The following CNOT2 variants were observed in gnomAD, a reference collection of about 807,000 sequenced individuals.
The protein encoded by CNOT2 is CCR4-NOT transcription complex subunit 2.
A neutral mutation model predicts 72.1 loss-of-function variants in CNOT2; 7 were observed. That is an observed-to-expected ratio of 0.10 (90% CI 0.06 to 0.18). The LOEUF (loss-of-function observed/expected upper bound fraction) is 0.18, where lower values mean the gene tolerates loss of function less well. Among genes scored for constraint, CNOT2 ranks in the 10% least tolerant of loss-of-function variants. The pLI, the probability that CNOT2 is intolerant of heterozygous loss-of-function variation, is 1.00. For missense variants in CNOT2, 345 were observed against 660.3 expected (o/e 0.52, Z 5.23); for synonymous variants, 196 against 225.6 (o/e 0.87, Z 1.17).
intron 3 of CNOT2, among the ~76,000 whole-genome samples, chr12:70,311,944 CT>C (rs1226639629): frequency 6.6e-6 from 1 of 151,920 alleles, no homozygotes; most frequent in Non-Finnish European, 1.5e-5. Context: ...CTTCCTTTGA[CT>C]TTGCAGAATT....
At chr12:70,308,357 G>C (rs1352208075) in intron 2 of CNOT2, among the ~76,000 whole-genome samples, 1 of 151,992 alleles carries the variant, frequency 6.6e-6, no homozygotes, top group African/African-American at 2.4e-5. Flanking sequence ...CCCATCTCTG[G>C]ATGGGGGTTT....
intron 11 of CNOT2, among the ~76,000 whole-genome samples, chr12:70,339,723 C>G (rs1881238453): frequency 6.6e-6 from 1 of 152,154 alleles, no homozygotes; most frequent in Non-Finnish European, 1.5e-5. Flanking sequence ...AACTATCGTA[C>G]ACTTCTGCAT....
At position 70,272,362 on chromosome 12, in the gene CNOT2, C is replaced by T. The variant is rs116862864; in HGVS notation, c.-95-5770C>T. Among the ~76,000 whole-genome samples, 259 of 152,174 alleles carry T rather than the reference C, an allele frequency of 1.7e-3. 1 individual carries two copies. The highest frequency in any genetic ancestry group is 8.7e-3 in the East Asian group (45 of 5,168). On this transcript the variant is annotated intron_variant, in intron 1 of 15. Coordinates refer to ENST00000229195, the MANE Select transcript of CNOT2 (RefSeq NM_014515.7). ...TTCTGAAAAGAGATAGTCAAGCAGA[C>T]ATGTTAACGTCAAGAAGCAGTTTGG...
At chr12:70,297,760 C>T (rs953616030) in intron 2 of CNOT2, 12 of 372,258 alleles carry the variant, frequency 3.2e-5, no homozygotes, top group Admixed American at 1.4e-4. Context: ...ATTTTTGAGA[C>T]GTGGTCTCAC....
At chr12:70,302,127 AG>A (rs1298051643) in intron 2 of CNOT2, among the ~76,000 whole-genome samples, 1 of 152,086 alleles carries the variant, frequency 6.6e-6, no homozygotes, top group Non-Finnish European at 1.5e-5. Flanking sequence ...TAATCTTGCT[AG>A]CGGTCTATCA....
At chr12:70,283,637 A>G (rs1453060951) in intron 2 of CNOT2, among the ~76,000 whole-genome samples, 1 of 144,714 alleles carries the variant, frequency 6.9e-6, no homozygotes, top group Non-Finnish European at 1.5e-5. Context: ...ACCTAATGAA[A>G]GAATGAGTTT....
rs1258388639 is a variant in CNOT2, at chr12:70,288,848, CTTCTGTTACATT to C, written c.48+10579_48+10590del. ...CTAAGGGAAACATTTTCTGCTTAGA[CTTCTGTTACATT>C]TTCTCATTGTTCATGGTAATTTTAG... On this transcript the variant is annotated intron_variant, in intron 2 of 15. Transcript: ENST00000229195. Among the ~76,000 whole-genome samples, 3 of 152,122 alleles carry C rather than the reference CTTCTGTTACATT, an allele frequency of 2.0e-5. No individual in the cohort carries two copies. The East Asian group carries it at 5.8e-4, about 29-fold the overall frequency.
chr12:70,343,231 T>C (rs1881735971), intron 13 of CNOT2, among the ~76,000 whole-genome samples: 1 of 152,194 alleles, frequency 6.6e-6, no homozygotes, highest in Admixed American at 6.5e-5. Context: ...ATTTGTCACA[T>C]TGGGGCTGCT....
chr12:70,312,076 CATT>C (rs1267663582), intron 3 of CNOT2, among the ~76,000 whole-genome samples: 1 of 151,776 alleles, frequency 6.6e-6, no homozygotes, highest in African/African-American at 2.4e-5. Context: ...CTATCAATGG[CATT>C]ATTGGGCTTT....
At chr12:70,344,309 A>G in intron 14 of CNOT2, 81 bp downstream of exon 14, 2 of 805,830 alleles carry the variant, frequency 2.5e-6, no homozygotes, top group Non-Finnish European at 2.1e-6. Context: ...GATGATGGCT[A>G]TCTTTAAATG....
intron 3 of CNOT2, among the ~76,000 whole-genome samples, chr12:70,316,837 G>GTAGA (rs2135975823): frequency 6.6e-6 from 1 of 152,212 alleles, no homozygotes; most frequent in South Asian, 2.1e-4. Flanking sequence ...GAGAGGGCAG[G>GTAGA]TAGATACCCA....
intron 2 of CNOT2, among the ~76,000 whole-genome samples, chr12:70,302,934 T>G (rs1288273564): frequency 3.3e-5 from 5 of 152,012 alleles, no homozygotes; most frequent in Non-Finnish European, 7.4e-5. Flanking sequence ...GGATAGTTAG[T>G]TCTTCTTGTT....
intron 2 of CNOT2, among the ~76,000 whole-genome samples, chr12:70,304,935 C>G (rs956540813): frequency 2.8e-4 from 42 of 152,214 alleles, no homozygotes; most frequent in Admixed American, 2.7e-3. Flanking sequence ...GCTGTGCTAG[C>G]AATGAGCCGG....
intron 3 of CNOT2, among the ~76,000 whole-genome samples, chr12:70,313,280 G>A (rs1876783278): frequency 6.6e-6 from 1 of 151,726 alleles, no homozygotes; most frequent in African/African-American, 2.4e-5. Context: ...TCCATGTATT[G>A]AGGATAACAA....
At chr12:70,300,121 C>T (rs1456108614) in intron 2 of CNOT2, among the ~76,000 whole-genome samples, 2 of 152,074 alleles carry the variant, frequency 1.3e-5, no homozygotes, top group Non-Finnish European at 1.5e-5. Context: ...TGGATATTAG[C>T]CCTTTGTCAG....
intron 2 of CNOT2, chr12:70,278,477 AT>A: frequency 4.4e-6 from 2 of 454,974 alleles, no homozygotes; most frequent in Non-Finnish European, 7.8e-6. Flanking sequence ...CATAATGTAT[AT>A]TTTTTAGTGT....
Position 70,278,173 on chromosome 12 carries a change from G to C in CNOT2, c.-54G>C. ...CGGTCCTTCCTGTGACACGACCCTTGAGTGACAGTTCTATTTGATTGCCTC... is the reference window on the plus strand; with the variant it reads ...CGGTCCTTCCTGTGACACGACCCTTCAGTGACAGTTCTATTTGATTGCCTC... On this transcript the variant is annotated 5_prime_UTR_variant, in exon 2 of 16. Coordinates refer to ENST00000229195, the MANE Select transcript of CNOT2 (RefSeq NM_014515.7). 1 of 1,378,834 alleles carries C rather than the reference G, an allele frequency of 7.3e-7. No homozygotes were observed. The highest frequency in any genetic ancestry group is 1.0e-6 in the Non-Finnish European group (1 of 973,232). The allele number at this position is 1,378,834 out of a possible 1,614,324, so 85.4% of individuals were successfully genotyped here.
chr12:70,288,925 A>G (rs1434119874), intron 2 of CNOT2, among the ~76,000 whole-genome samples: 2 of 152,080 alleles, frequency 1.3e-5, no homozygotes, highest in African/African-American at 4.8e-5. Flanking sequence ...ATTATCATTC[A>G]TAATGGAATA....
chr12:70,346,068 ATTTAT>A (rs1377050269), intron 14 of CNOT2, 107 bp from the exon 15 acceptor site: 7 of 650,832 alleles, frequency 1.1e-5, no homozygotes, highest in African/African-American at 9.2e-5. Flanking sequence ...ATTCATATTT[ATTTAT>A]TTTATGTGTA....
Sources: allele counts gnomAD v4.1 joint callset (sites outside exome capture counted in the v4.1 genomes callset), GRCh38; gene constraint gnomAD v4.1.1; transcripts MANE v1.5; gene names NCBI Gene and HGNC (gene_info 2026-07-23, HGNC 2026-07-21).